The following NUP54 variants were observed in gnomAD, a reference collection of about 807,000 sequenced individuals.
The protein encoded by NUP54 is nucleoporin 54.
A neutral mutation model predicts 66.4 loss-of-function variants in NUP54; 27 were observed. The ratio of observed to expected loss-of-function variants is 0.41; its 90% confidence interval spans 0.30 to 0.56. NUP54 has a LOEUF of 0.56. NUP54 is among the 20% of genes least tolerant of loss of function. NUP54 has a pLI of 0.34. For missense variants in NUP54, 486 were observed against 596.3 expected, an observed-to-expected ratio of 0.82 and a Z score of 1.93; for synonymous variants, 206 against 210.7, an observed-to-expected ratio of 0.98 and a Z score of 0.19.
intron 3 of NUP54, among the ~76,000 whole-genome samples, chr4:76,136,898 A>G (rs757025077): frequency 1.4e-4 from 21 of 152,180 alleles, no homozygotes; most frequent in Non-Finnish European, 2.6e-4. Flanking sequence ...ATAAAATTTT[A>G]TTGTCTTAAG....
chr4:76,120,262 G>A (rs1730171365), intron 9 of NUP54, among the ~76,000 whole-genome samples: 1 of 152,044 alleles, frequency 6.6e-6, no homozygotes, highest in African/African-American at 2.4e-5. Context: ...TTTAAAGTAT[G>A]TACGTTTTCA....
chr4:76,139,976 C>T lies in NUP54; in HGVS notation c.296-3564G>A, dbSNP rs148799795. ...ATAAAGAAAACAGAAACCAGATTGG[C>T]GAATAGTTTGTAAAGGGGAGGAGAG... On this transcript the variant is annotated intron_variant, in intron 3 of 11. Coordinates refer to ENST00000264883, the MANE Select transcript of NUP54 (RefSeq NM_017426.4). Among the ~76,000 whole-genome samples the T allele has an allele frequency of 1.4e-3, 220 of 152,084 alleles. 1 individual carries two copies. Among genetic ancestry groups the T allele is most frequent in the Non-Finnish European group, 1.1e-3 (77 of 67,992 alleles).
At chr4:76,138,738 G>T (rs1474742213) in intron 3 of NUP54, among the ~76,000 whole-genome samples, 1 of 152,150 alleles carries the variant, frequency 6.6e-6, no homozygotes, top group Non-Finnish European at 1.5e-5. Context: ...GCTAAGCCAT[G>T]GGGTAGAGGT....
At chr4:76,132,990 G>A (rs1225911051) in intron 5 of NUP54, among the ~76,000 whole-genome samples, 1 of 150,904 alleles carries the variant, frequency 6.6e-6, no homozygotes, top group Non-Finnish European at 1.5e-5. Flanking sequence ...TGAGAGTACA[G>A]CTGCACACCC....
At chr4:76,137,331 GA>G (rs1428150625) in intron 3 of NUP54, among the ~76,000 whole-genome samples, 1 of 152,008 alleles carries the variant, frequency 6.6e-6, no homozygotes, top group Non-Finnish European at 1.5e-5. Context: ...TCCATTACCA[GA>G]ACACAGATTG....
intron 7 of NUP54, 77 bp downstream of exon 7, chr4:76,131,153 T>A: frequency 1.1e-6 from 1 of 877,086 alleles, no homozygotes; most frequent in Non-Finnish European, 1.9e-6. Flanking sequence ...GTAAGAATTA[T>A]AATTAATAGC....
intron 9 of NUP54, among the ~76,000 whole-genome samples, chr4:76,119,243 C>A (rs1730116358): frequency 1.3e-5 from 2 of 151,994 alleles, no homozygotes; most frequent in African/African-American, 4.8e-5. Flanking sequence ...CTCTCATACC[C>A]CCAAGACAAA....
Position 76,130,666 on chromosome 4 carries a change from G to A in NUP54, c.1046C>T (p.Thr349Ile). 1 of 1,611,680 alleles carries A rather than the reference G, an allele frequency of 6.2e-7. No individual in the cohort carries two copies. The highest frequency in any genetic ancestry group is 2.2e-5 in the East Asian group (1 of 44,806). Residue 349 changes from threonine to isoleucine, a missense_variant, in exon 8 of 12, where the codon ACC (threonine) becomes ATC (isoleucine). Transcript: ENST00000264883. The part of the protein sequence containing the change: ...VQDQMTKQHQ[T>I]RLDIISEDIS... ...AAGCTAAATGCTTACATCTAATCTG[G>A]TTTGATGCTGCTTAGTCATCTGATC...
intron 8 of NUP54, 99 bp from the exon 9 acceptor site, chr4:76,124,855 G>A: frequency 1.9e-6 from 1 of 539,600 alleles, no homozygotes. Context: ...ATAAGCCTGA[G>A]ATTCATCTCT....
At chr4:76,124,307 C>T (rs952825096) in intron 9 of NUP54, among the ~76,000 whole-genome samples, 1 of 152,000 alleles carries the variant, frequency 6.6e-6, no homozygotes, top group Non-Finnish European at 1.5e-5. Flanking sequence ...TTTTCTAGCA[C>T]TCAAAAAATT....
At chr4:76,117,117 T>C (rs1354691875) in intron 11 of NUP54, among the ~76,000 whole-genome samples, 2 of 152,162 alleles carry the variant, frequency 1.3e-5, no homozygotes, top group African/African-American at 4.8e-5. Flanking sequence ...GGCAACCACC[T>C]TTCTACTCTC....
rs1730033655 is a variant in NUP54, at chr4:76,118,060, CTT to C, written c.1284+13_1284+14del. 6.2e-7 allele frequency: 1 copy of C among 1,612,758 alleles called. No individual in the cohort carries two copies. Among genetic ancestry groups the C allele is most frequent in the East Asian group, 2.2e-5 (1 of 44,860 alleles). On this transcript the variant is annotated intron_variant, in intron 10 of 11. Transcript: ENST00000264883. The stretch of plus-strand genomic sequence containing the variant: ...CTGAAACAAATTTTAGAATTATGGT[CTT>C]AGAAGTGGTTACCTTGAACTGAGTA...
rs11097244 is a variant in NUP54 at position 76,134,321 on chromosome 4, A to T, written c.564T>A (p.Asp188Glu). The change falls in exon 5 of 12, where the codon GAT becomes GAA. Residue 188 changes from aspartate to glutamate, a missense_variant. Around this residue, in one of 4 missense-constraint regions of NUP54, gnomAD observed 217 missense variants for 247.9 expected, o/e 0.88. Coordinates refer to ENST00000264883, the MANE Select transcript of NUP54 (RefSeq NM_017426.4). Reference sequence around the variant, plus strand: ...TGTTGAAAACTAAAACCACTAGCCCATCTTCATCTTTATTACTGGGCATGC... The same window carrying T: ...TGTTGAAAACTAAAACCACTAGCCCTTCTTCATCTTTATTACTGGGCATGC... ...YSCMPSNKDE[D>E]GLVVLVFNKK... 3.1e-6 allele frequency: 5 copies of T among 1,613,410 alleles called. No individual in the cohort carries two copies. The African/African-American group carries it at 6.7e-5, about 22-fold the overall frequency.
intron 8 of NUP54, among the ~76,000 whole-genome samples, chr4:76,125,630 G>A (rs1578672679): frequency 2.3e-5 from 1 of 42,690 alleles, no homozygotes; most frequent in Non-Finnish European, 4.5e-5. Flanking sequence ...GAGAGGGAGA[G>A]GGGGAGAGGG....
At chr4:76,139,671 T>C (rs1465121234) in intron 3 of NUP54, among the ~76,000 whole-genome samples, 1 of 152,178 alleles carries the variant, frequency 6.6e-6, no homozygotes, top group Non-Finnish European at 1.5e-5. Context: ...TATTAGATAG[T>C]ACCAAGGAAT....
chr4:76,118,573 T>TGGGGCGGGGGGG (rs1359751331), intron 9 of NUP54: 1 of 39,496 alleles, frequency 2.5e-5, no homozygotes, highest in Non-Finnish European at 4.7e-5. Context: ...TGTGGCGGGG[T>TGGGGCGGGGGGG]GGGGGGGGGG....
rs775508536 is a variant in NUP54 at position 76,144,382 on chromosome 4, C to T, written c.151+8G>A. On this transcript the variant is annotated splice_region_variant and intron_variant, in intron 2 of 11. Transcript: ENST00000264883. ...TACTTCTATGAATGACTTAAGATGG[C>T]CTCTTACCAGTAGTGCCTGTGTTAG... is the stretch of plus-strand genomic sequence containing the variant. The T allele has an allele frequency of 1.6e-5, 26 of 1,603,536 alleles. No homozygotes were observed. The highest frequency in any genetic ancestry group is 1.9e-5 in the Non-Finnish European group (22 of 1,177,388).
chr4:76,133,686 A>C (rs1490069677), intron 5 of NUP54, among the ~76,000 whole-genome samples: 1 of 152,192 alleles, frequency 6.6e-6, no homozygotes, highest in African/African-American at 2.4e-5. Context: ...AATTCTGTTG[A>C]AATTTATGGG....
At chr4:76,147,774 G>A in intron 1 of NUP54, 1 of 586,750 alleles carries the variant, frequency 1.7e-6, no homozygotes, top group Non-Finnish European at 2.6e-6. Flanking sequence ...GCTCCAAACA[G>A]TTTAAGAAAG....
Sources: allele counts gnomAD v4.1 joint callset (sites outside exome capture counted in the v4.1 genomes callset), GRCh38; gene constraint gnomAD v4.1.1; regional missense constraint gnomAD v4.1.1; transcripts MANE v1.5; gene names NCBI Gene and HGNC (gene_info 2026-07-23, HGNC 2026-07-21).